WDR89: variants seen among roughly 807,000 people sequenced by gnomAD.
The protein encoded by WDR89 is WD repeat-containing protein 89.
Under a neutral mutation model 29.1 loss-of-function variants are expected in WDR89, and 17 were observed. The observed-to-expected ratio is 0.58, with a 90% CI of 0.40 to 0.88. The LOEUF (loss-of-function observed/expected upper bound fraction) is 0.88. Ranked by LOEUF, WDR89 falls within the 40% of genes least tolerant of loss-of-function variation. The probability of loss-of-function intolerance (pLI) is 0.00; values close to 1 mark genes in which losing one functional copy is unlikely to be tolerated. For synonymous variants in WDR89, 138 were observed against 157.8 expected, an observed-to-expected ratio of 0.87 and a Z score of 0.94; for missense variants, 396 against 456.3, an observed-to-expected ratio of 0.87 and a Z score of 1.20.
rs1882936407 is a variant in WDR89, at chr14:63,624,989, C to T, written c.-93G>A. 1 of 151,988 alleles carries T rather than the reference C, an allele frequency of 6.6e-6. No individual in the cohort carries two copies. The highest frequency in any genetic ancestry group is 1.5e-5 in the Non-Finnish European group (1 of 68,016). 9.4% of individuals were successfully genotyped at this position (151,988 alleles called of 1,614,324 possible). On this transcript the variant is annotated 5_prime_UTR_variant, in exon 2 of 3. It adds an upstream start codon to the 5' untranslated region. Transcript: ENST00000620954. ...ATGACAACTTATGTCCGTACAAACA[C>T]CTGTACACGTGTTCATCACTATTTT...
At chr14:63,621,945 A>T (rs1050592454) in intron 2 of WDR89, 1 of 152,240 alleles carries the variant, frequency 6.6e-6, no homozygotes, top group Admixed American at 6.5e-5. Flanking sequence ...TGTTGCTGTT[A>T]AACTGTTATT....
chr14:63,625,138 T>C (rs747806444), intron 1 of WDR89, 105 bp from the exon 2 acceptor site: 3 of 151,440 alleles, frequency 2.0e-5, no homozygotes, highest in Non-Finnish European at 4.4e-5. Context: ...GAAAAACAAA[T>C]TGTGGCATAC....
chr14:63,602,475 A>AG (rs1781326284), intron 2 of WDR89, among the ~76,000 whole-genome samples: 1 of 150,336 alleles, frequency 6.7e-6, no homozygotes, highest in Admixed American at 6.6e-5. Context: ...AAAAAAAAAA[A>AG]AAAAAAAAAA....
chr14:63,640,900 C>A lies in WDR89; in HGVS notation c.-138+904G>T, dbSNP rs191627942. Among the ~76,000 whole-genome samples, 880 of 150,368 alleles carry A rather than the reference C, an allele frequency of 5.9e-3. 11 individuals carry two copies. Among genetic ancestry groups the A allele is most frequent in the African/African-American group, 0.021 (853 of 41,306 alleles). The stretch of plus-strand genomic sequence containing the variant: ...ATCACCTGAAGTCAGGAGTTCGAGA[C>A]CGGCCTGACCAGTATGGTGAAATCC... On this transcript the variant is annotated intron_variant, in intron 1 of 2. Coordinates refer to ENST00000620954, the MANE Select transcript of WDR89 (RefSeq NM_080666.4).
At chr14:63,610,233 A>AG (rs1566792308) in intron 2 of WDR89, among the ~76,000 whole-genome samples, 1 of 151,184 alleles carries the variant, frequency 6.6e-6, no homozygotes, top group African/African-American at 2.4e-5. Flanking sequence ...AAAAAAAAAA[A>AG]AAAAAAAAAA....
chr14:63,619,519 C>T (rs894755790), intron 2 of WDR89, among the ~76,000 whole-genome samples: 2 of 152,130 alleles, frequency 1.3e-5, no homozygotes, highest in African/African-American at 4.8e-5. Context: ...ATATACTATA[C>T]ACCTACTAAT....
rs538316959 is a variant in WDR89, at chr14:63,637,651, C to T, written c.-138+4153G>A. On this transcript the variant is annotated intron_variant, in intron 1 of 2. Coordinates refer to ENST00000620954, the MANE Select transcript of WDR89 (RefSeq NM_080666.4). ...AAAAGAAATGAATTAACAGCATTTG[C>T]CATGACCTGGATGAGACTGGAGACT... Among the ~76,000 whole-genome samples the T allele has an allele frequency of 2.0e-5, 3 of 152,038 alleles. No individual in the cohort carries two copies. In the South Asian group the frequency reaches 6.2e-4, roughly 32 times the overall value.
chr14:63,619,461 T>C (rs1426451206), intron 2 of WDR89, among the ~76,000 whole-genome samples: 1 of 151,938 alleles, frequency 6.6e-6, no homozygotes. Context: ...CAACAAGTTA[T>C]CAAGAAATGA....
chr14:63,624,406 G>A (rs1177332889), intron 2 of WDR89, among the ~76,000 whole-genome samples: 1 of 149,850 alleles, frequency 6.7e-6, no homozygotes, highest in Non-Finnish European at 1.5e-5. Context: ...GGTGGAGCTT[G>A]TAGTGAGCCG....
At position 63,598,970 on chromosome 14, in the gene WDR89, G is replaced by A. The variant is rs769929699; in HGVS notation, c.973C>T (p.Arg325Cys). Residue 325 changes from arginine to cysteine, a missense_variant, in exon 3 of 3, where the codon CGT becomes TGT. Arg to Cys is a radical substitution (Grantham distance 180). Coordinates refer to ENST00000620954, the MANE Select transcript of WDR89 (RefSeq NM_080666.4). The stretch of plus-strand genomic sequence containing the variant: ...TCTTGCACATTCCAACAGAAAGAAC[G>A]GACTGTAGCAGCATGCCCTCCCTGA... ...SLQGGHAATV[R>C]SFCWNVQDDS... The A allele has an allele frequency of 6.2e-6, 10 of 1,614,034 alleles. No individual in the cohort carries two copies. The highest frequency in any genetic ancestry group is 3.3e-5 in the Admixed American group (2 of 59,990).
chr14:63,636,563 T>C (rs1465737903), intron 1 of WDR89, among the ~76,000 whole-genome samples: 5 of 152,108 alleles, frequency 3.3e-5, no homozygotes, highest in African/African-American at 1.2e-4. Flanking sequence ...GGTATAAAAA[T>C]AGGCACACAG....
intron 1 of WDR89, among the ~76,000 whole-genome samples, chr14:63,638,880 C>T (rs1213769118): frequency 6.6e-6 from 1 of 152,154 alleles, no homozygotes; most frequent in African/African-American, 2.4e-5. Context: ...GGTCTTAATT[C>T]CTGGAATCTA....
chr14:63,599,635 C>G lies in WDR89; in HGVS notation c.308G>C (p.Arg103Thr). 6.2e-7 allele frequency: 1 copy of G among 1,614,162 alleles called. No individual in the cohort carries two copies. Among genetic ancestry groups the G allele is most frequent in the Non-Finnish European group, 8.5e-7 (1 of 1,180,016 alleles). ...CTTGAAGAGCTGAACAGGTTTTTCT[C>G]TGGCTACTCGAGCATCCCAGCATTT... ...TVKCWDARVA[R>T]EKPVQLFKGY... is the part of the protein sequence containing the mutation. Residue 103 changes from arginine (R) to threonine (T), a missense_variant, in exon 3 of 3, where the codon AGA (arginine) becomes ACA (threonine). By Grantham distance (71) the Arg-to-Thr change is moderately conservative. Transcript: ENST00000620954.
chr14:63,638,108 C>T (rs1883860258), intron 1 of WDR89, among the ~76,000 whole-genome samples: 1 of 152,086 alleles, frequency 6.6e-6, no homozygotes, highest in African/African-American at 2.4e-5. Flanking sequence ...TCATCCCCGG[C>T]TAATTTTTGT....
chr14:63,625,242 T>A (rs766320719), intron 1 of WDR89, among the ~76,000 whole-genome samples: 1 of 152,166 alleles, frequency 6.6e-6, no homozygotes, highest in Non-Finnish European at 1.5e-5. Flanking sequence ...TTAAATAACA[T>A]TCTGGAAAAA....
intron 2 of WDR89, among the ~76,000 whole-genome samples, chr14:63,624,232 C>A (rs902071187): frequency 2.6e-5 from 4 of 151,978 alleles, no homozygotes; most frequent in Non-Finnish European, 4.4e-5. Context: ...CTTTGGGAGG[C>A]CTGGGAGGTG....
At chr14:63,628,746 A>G (rs983782024) in intron 1 of WDR89, among the ~76,000 whole-genome samples, 1 of 152,188 alleles carries the variant, frequency 6.6e-6, no homozygotes. Flanking sequence ...GGACTGCCTC[A>G]GCCTAGGAGT....
At chr14:63,608,433 T>A (rs1881734017) in intron 2 of WDR89, among the ~76,000 whole-genome samples, 1 of 152,154 alleles carries the variant, frequency 6.6e-6, no homozygotes, top group Non-Finnish European at 1.5e-5. Flanking sequence ...TAAGTTTCTG[T>A]ATGTTTTAAT....
At chr14:63,600,271 A>G (rs1046964875) in intron 2 of WDR89, among the ~76,000 whole-genome samples, 1 of 152,134 alleles carries the variant, frequency 6.6e-6, no homozygotes, top group African/African-American at 2.4e-5. Flanking sequence ...AGGTAGGAGG[A>G]CTGCTTGAGG....
Sources: gnomAD v4.1 joint callset for allele counts (sites outside exome capture counted in the v4.1 genomes callset) on GRCh38, gnomAD v4.1.1 for gene constraint, MANE v1.5 for transcripts, NCBI Gene and HGNC (gene_info 2026-07-23, HGNC 2026-07-21) for gene names.